Variants in PLS1 observed in about 807,000 individuals in gnomAD.
PLS1 encodes plastin 1.
In PLS1, 32 loss-of-function variants were observed where a neutral mutation model predicts 73.7. The ratio of observed to expected loss-of-function variants is 0.43; its 90% confidence interval spans 0.33 to 0.58. The LOEUF is 0.58. Among genes scored for constraint, PLS1 ranks in the 20% least tolerant of loss-of-function variants. The pLI is 0.04. For missense variants in PLS1, 633 were observed against 740.5 expected (o/e 0.85, Z 1.68); for synonymous variants, 217 against 261.3 (o/e 0.83, Z 1.63).
chr3:142,683,933 C>A, intron 6 of PLS1, 73 bp from the exon 7 acceptor site: 1 of 1,091,476 alleles, frequency 9.2e-7, no homozygotes, highest in South Asian at 1.9e-5. Context: ...TCCATTGTTT[C>A]TTATAGATAA....
chr3:142,639,832 A>C (rs1239412156), intron 1 of PLS1, among the ~76,000 whole-genome samples: 2 of 152,228 alleles, frequency 1.3e-5, no homozygotes, highest in Admixed American at 1.3e-4. Context: ...AGTGTAGAGA[A>C]TAAATCTAAT....
Position 142,689,609 on chromosome 3 carries a change from A to T in PLS1, c.982-9A>T, listed in dbSNP as rs1406142747. 5 of 1,491,760 alleles carry T rather than the reference A, an allele frequency of 3.4e-6. No homozygotes were observed. Among genetic ancestry groups the T allele is most frequent in the Admixed American group, 4.8e-5 (2 of 41,606 alleles). The allele number at this position is 1,491,760 out of a possible 1,614,324, so 92.4% of individuals were successfully genotyped here. On this transcript the variant is annotated splice_polypyrimidine_tract_variant and intron_variant, in intron 9 of 15. Transcript: ENST00000457734. ...CTTCAATTGTAACCATTTTTGTTTT[A>T]TTGTTTAGGAGACAAATGACCTGAA...
intron 12 of PLS1, among the ~76,000 whole-genome samples, chr3:142,702,537 C>A (rs546271205): frequency 2.0e-5 from 3 of 152,190 alleles, no homozygotes; most frequent in Non-Finnish European, 2.9e-5. Flanking sequence ...GTAGTGTTCT[C>A]CTTTTAAGTG....
intron 14 of PLS1, among the ~76,000 whole-genome samples, chr3:142,710,941 C>G (rs1308522915): frequency 6.6e-6 from 1 of 152,080 alleles, no homozygotes; most frequent in Non-Finnish European, 1.5e-5. Context: ...GTTGTGTAAA[C>G]AAGTCATTTG....
intron 1 of PLS1, among the ~76,000 whole-genome samples, chr3:142,649,307 G>T (rs776645089): frequency 1.4e-5 from 2 of 140,970 alleles, no homozygotes; most frequent in Admixed American, 7.3e-5. Flanking sequence ...CTGCACTCCA[G>T]TTTGGGTAAC....
chr3:142,685,536 AAGGCCTC>A (rs1217586691), intron 8 of PLS1, among the ~76,000 whole-genome samples: 1 of 152,176 alleles, frequency 6.6e-6, no homozygotes, highest in Admixed American at 6.6e-5. Flanking sequence ...AAAGTACACA[AAGGCCTC>A]AGTCACATGT....
At chr3:142,598,461 G>A (rs1022116430) in intron 1 of PLS1, among the ~76,000 whole-genome samples, 4 of 152,136 alleles carry the variant, frequency 2.6e-5, no homozygotes, top group Non-Finnish European at 5.9e-5. Context: ...CTCATATTTT[G>A]ATAACAGATC....
intron 1 of PLS1, among the ~76,000 whole-genome samples, chr3:142,619,158 G>C (rs1322334275): frequency 6.6e-6 from 1 of 152,152 alleles, no homozygotes; most frequent in Non-Finnish European, 1.5e-5. Flanking sequence ...GGATGTTTCA[G>C]GGCTTTTGTG....
At chr3:142,666,762 A>G (rs185732156) in intron 2 of PLS1, among the ~76,000 whole-genome samples, 1 of 152,316 alleles carries the variant, frequency 6.6e-6, no homozygotes, top group Admixed American at 6.5e-5. Context: ...CATTCCCACC[A>G]GTGGTGTACC....
chr3:142,612,762 G>T (rs1560029682), intron 1 of PLS1, among the ~76,000 whole-genome samples: 1 of 151,962 alleles, frequency 6.6e-6, no homozygotes, highest in Non-Finnish European at 1.5e-5. Flanking sequence ...CTTTGAGCCT[G>T]TTTTATATTT....
At chr3:142,691,699 T>C (rs1425639813) in intron 10 of PLS1, among the ~76,000 whole-genome samples, 5 of 152,208 alleles carry the variant, frequency 3.3e-5, no homozygotes, top group African/African-American at 1.2e-4. Flanking sequence ...AAAATGTATT[T>C]GACTTTGACT....
chr3:142,634,099 C>T (rs756428684), intron 1 of PLS1, among the ~76,000 whole-genome samples: 1 of 152,040 alleles, frequency 6.6e-6, no homozygotes, highest in South Asian at 2.1e-4. Context: ...TTAGAGACCT[C>T]GGAGACATAA....
chr3:142,643,825 ATTTTT>A (rs67216911), intron 1 of PLS1, among the ~76,000 whole-genome samples: 80 of 122,856 alleles, frequency 6.5e-4, no homozygotes, highest in Middle Eastern at 4.1e-3. Context: ...TCTTCATTTC[ATTTTT>A]TTTTTTTTTT....
At chr3:142,689,992 G>T (rs1489162417) in intron 10 of PLS1, among the ~76,000 whole-genome samples, 179 bp downstream of exon 10, 1 of 152,116 alleles carries the variant, frequency 6.6e-6, no homozygotes, top group African/African-American at 2.4e-5. Context: ...AAAAGAGAAT[G>T]CTGGGGTAAA....
chr3:142,667,660 G>A (rs2037508737), intron 2 of PLS1, among the ~76,000 whole-genome samples: 1 of 152,170 alleles, frequency 6.6e-6, no homozygotes, highest in Non-Finnish European at 1.5e-5. Flanking sequence ...CCCCATATCT[G>A]TCTTCAGAAT....
At chr3:142,633,995 C>T (rs1031642495) in intron 1 of PLS1, among the ~76,000 whole-genome samples, 4 of 151,912 alleles carry the variant, frequency 2.6e-5, no homozygotes, top group Non-Finnish European at 5.9e-5. Context: ...TTTAAGAGAC[C>T]GAATTCAAAC....
chr3:142,686,354 C>T lies in PLS1; in HGVS notation c.959C>T (p.Ala320Val), dbSNP rs746299574. The T allele has an allele frequency of 6.2e-7, 1 of 1,604,706 alleles. No homozygotes were observed. Among genetic ancestry groups the T allele is most frequent in the South Asian group, 1.1e-5 (1 of 90,862 alleles). The change falls in exon 9 of 16, where the codon GCC becomes GTC. Residue 320 changes from alanine to valine, a missense_variant. Coordinates refer to ENST00000457734, the MANE Select transcript of PLS1 (RefSeq NM_001145319.2). ...GGTGGGGAAGATGGACCTGCCATTGCCATTGACCTTTCAGGAATTAATGTG... is the reference window on the plus strand; with the variant it reads ...GGTGGGGAAGATGGACCTGCCATTGTCATTGACCTTTCAGGAATTAATGTG... Reference protein sequence around the residue: ...PKGGEDGPAIAIDLSGINETN... With the variant: ...PKGGEDGPAIVIDLSGINETN...
At chr3:142,689,044 A>G (rs909938641) in intron 9 of PLS1, among the ~76,000 whole-genome samples, 2 of 152,172 alleles carry the variant, frequency 1.3e-5, no homozygotes, top group African/African-American at 4.8e-5. Flanking sequence ...TACTGATACA[A>G]TATTTGAGGA....
At chr3:142,621,329 C>T (rs377614365) in intron 1 of PLS1, among the ~76,000 whole-genome samples, 65 of 152,232 alleles carry the variant, frequency 4.3e-4, no homozygotes, top group African/African-American at 1.5e-3. Flanking sequence ...ATTGGATTCA[C>T]GGCTATAATG....
Sources: gnomAD v4.1 joint callset for allele counts (sites outside exome capture counted in the v4.1 genomes callset) on GRCh38, gnomAD v4.1.1 for gene constraint, MANE v1.5 for transcripts, NCBI Gene and HGNC (gene_info 2026-07-23, HGNC 2026-07-21) for gene names.